DYNC1I1: variants seen among roughly 807,000 people sequenced by gnomAD.
DYNC1I1 encodes cytoplasmic dynein 1 intermediate chain 1.
DYNC1I1 carries 43 observed loss-of-function variants against 86.6 expected under a neutral mutation model. The observed-to-expected ratio is 0.50, with a 90% CI of 0.39 to 0.64. DYNC1I1 has a LOEUF of 0.64. Ranked by LOEUF, DYNC1I1 falls within the 30% of genes least tolerant of loss-of-function variation. DYNC1I1 has a pLI of 0.00. For missense variants in DYNC1I1, 604 were observed against 788.8 expected, an observed-to-expected ratio of 0.77 and a Z score of 2.81; for synonymous variants, 262 against 283.7, an observed-to-expected ratio of 0.92 and a Z score of 0.77.
intron 6 of DYNC1I1, among the ~76,000 whole-genome samples, chr7:95,957,848 G>A (rs1562955876): frequency 6.6e-6 from 1 of 152,186 alleles, no homozygotes. Context: ...TGATCTTTAA[G>A]CCACATTTAA....
At chr7:96,028,534 T>C (rs1562977253) in intron 11 of DYNC1I1, among the ~76,000 whole-genome samples, 1 of 152,142 alleles carries the variant, frequency 6.6e-6, no homozygotes, top group Non-Finnish European at 1.5e-5. Flanking sequence ...TGTGCTAGCA[T>C]GTAGGGAGGA....
intron 6 of DYNC1I1, among the ~76,000 whole-genome samples, chr7:95,881,957 G>A (rs1468340940): frequency 6.6e-6 from 1 of 152,210 alleles, no homozygotes; most frequent in African/African-American, 2.4e-5. Flanking sequence ...CTTGCACATT[G>A]CTACCCTCAT....
At chr7:95,948,264 C>T (rs1054713743) in intron 6 of DYNC1I1, among the ~76,000 whole-genome samples, 2 of 152,142 alleles carry the variant, frequency 1.3e-5, no homozygotes, top group African/African-American at 4.8e-5. Flanking sequence ...CTTTGGGCAG[C>T]ACCCCAGACA....
intron 14 of DYNC1I1, among the ~76,000 whole-genome samples, chr7:96,046,185 G>A (rs1450240228): frequency 2.6e-5 from 4 of 152,178 alleles, no homozygotes; most frequent in African/African-American, 4.8e-5. Flanking sequence ...CATCCAAATG[G>A]CTGGAAGGTT....
At chr7:95,982,780 T>C (rs968830973) in intron 7 of DYNC1I1, among the ~76,000 whole-genome samples, 3 of 152,178 alleles carry the variant, frequency 2.0e-5, no homozygotes, top group Non-Finnish European at 4.4e-5. Flanking sequence ...TATTCATTTA[T>C]GTAACAGCAT....
chr7:96,068,514 T>C (rs1790062391), intron 14 of DYNC1I1, among the ~76,000 whole-genome samples: 1 of 152,074 alleles, frequency 6.6e-6, no homozygotes, highest in Non-Finnish European at 1.5e-5. Context: ...ACGCAAGAGG[T>C]AGAATTAAAC....
intron 9 of DYNC1I1, among the ~76,000 whole-genome samples, chr7:95,993,265 T>A (rs1004120734): frequency 4.6e-5 from 7 of 152,294 alleles, no homozygotes; most frequent in African/African-American, 1.7e-4. Context: ...GTTATAGAAA[T>A]TATGCCAATG....
At chr7:95,931,922 A>G (rs930115580) in intron 6 of DYNC1I1, among the ~76,000 whole-genome samples, 1 of 152,240 alleles carries the variant, frequency 6.6e-6, no homozygotes, top group African/African-American at 2.4e-5. Context: ...ACTTGCTGCC[A>G]GCGTCTTAAT....
chr7:95,939,734 G>A lies in DYNC1I1; in HGVS notation c.491-37778G>A, dbSNP rs868339330. Among the ~76,000 whole-genome samples the A allele has an allele frequency of 7.2e-4, 109 of 151,932 alleles. No homozygotes were observed. In the Middle Eastern group the frequency reaches 0.02, roughly 28 times the overall value. ...TTTCCTGAATACAGCACACTGATGG[G>A]TCTTGACTCTTTATCCAATTTGCCA... On this transcript the variant is annotated intron_variant, in intron 6 of 16. Transcript: ENST00000447467.
intron 6 of DYNC1I1, among the ~76,000 whole-genome samples, chr7:95,956,800 G>A (rs1188610675): frequency 6.6e-6 from 1 of 152,160 alleles, no homozygotes; most frequent in Non-Finnish European, 1.5e-5. Context: ...CATTTGGGTT[G>A]GTTCCAAGTC....
At chr7:95,943,155 G>C (rs1792284963) in intron 6 of DYNC1I1, among the ~76,000 whole-genome samples, 1 of 150,032 alleles carries the variant, frequency 6.7e-6, no homozygotes, top group Middle Eastern at 3.5e-3. Context: ...TCCTTAAGCT[G>C]ATAAGCAACT....
At chr7:96,033,443 AAC>A (rs1794858649) in intron 12 of DYNC1I1, among the ~76,000 whole-genome samples, 2 of 152,216 alleles carry the variant, frequency 1.3e-5, no homozygotes, top group African/African-American at 4.8e-5. Flanking sequence ...TATGTAGACA[AAC>A]ACACAAGACA....
intron 14 of DYNC1I1, among the ~76,000 whole-genome samples, chr7:96,050,041 A>AAAAAAAAAAAAC (rs1562985738): frequency 2.0e-5 from 3 of 151,842 alleles, no homozygotes; most frequent in Admixed American, 6.6e-5. Flanking sequence ...AAACAAACAA[A>AAAAAAAAAAAAC]AAAAAAAACA....
At chr7:95,995,653 A>C (rs1793847578) in intron 9 of DYNC1I1, among the ~76,000 whole-genome samples, 2 of 152,230 alleles carry the variant, frequency 1.3e-5, no homozygotes, top group African/African-American at 4.8e-5. Flanking sequence ...AGAAAGATGT[A>C]ATGGAAGCCA....
chr7:96,039,625 T>C (rs1788975213), intron 14 of DYNC1I1, among the ~76,000 whole-genome samples: 1 of 152,160 alleles, frequency 6.6e-6, no homozygotes, highest in South Asian at 2.1e-4. Flanking sequence ...CTTGAAAATA[T>C]TCTAACTATA....
intron 6 of DYNC1I1, among the ~76,000 whole-genome samples, chr7:95,972,373 T>C (rs1699824523): frequency 6.6e-6 from 1 of 152,024 alleles, no homozygotes; most frequent in Admixed American, 6.5e-5. Context: ...AATCCTAACT[T>C]TTTTCTCAGC....
In DYNC1I1 at chr7:95,813,317, C is replaced by A. The variant is rs145885345; in HGVS notation, c.294C>A (p.Gly98=). Residue 98 remains glycine, a synonymous_variant, in exon 4 of 17, where the codon GGC becomes GGA. Transcript: ENST00000447467. ...TPSEAGSQDS[G]DLGPLTRTLQ... ...GTGAAGCTGGAAGCCAAGACTCAGGCGATCTGGGGCCATTAACAAGGTAAG... is the reference window on the plus strand; with the variant it reads ...GTGAAGCTGGAAGCCAAGACTCAGGAGATCTGGGGCCATTAACAAGGTAAG... 9.0e-5 allele frequency: 145 copies of A among 1,610,812 alleles called. 2 individuals carry two copies. The South Asian group carries it at 1.6e-3, about 17-fold the overall frequency.
chr7:95,874,123 A>G (rs1227162962), intron 6 of DYNC1I1, among the ~76,000 whole-genome samples: 2 of 152,330 alleles, frequency 1.3e-5, no homozygotes, highest in East Asian at 3.9e-4. Context: ...CACACTATTC[A>G]ATAGCAGTGA....
intron 6 of DYNC1I1, among the ~76,000 whole-genome samples, chr7:95,882,575 C>G (rs1790483361): frequency 6.6e-6 from 1 of 152,158 alleles, no homozygotes; most frequent in Non-Finnish European, 1.5e-5. Flanking sequence ...CTAGAAAGAT[C>G]CTTGGGTGGG....
Sources: gnomAD v4.1 joint callset for allele counts (sites outside exome capture counted in the v4.1 genomes callset) on GRCh38, gnomAD v4.1.1 for gene constraint, MANE v1.5 for transcripts, NCBI Gene and HGNC (gene_info 2026-07-23, HGNC 2026-07-21) for gene names.